Variants in DPYD observed in about 807,000 individuals in gnomAD.
DPYD encodes the protein dihydropyrimidine dehydrogenase [NADP(+)].
DPYD carries 109 observed loss-of-function variants against 116.2 expected under a neutral mutation model. The observed-to-expected ratio is 0.94, with a 90% confidence interval of 0.80 to 1.10. The LOEUF is 1.10. DPYD is among the 50% of genes least tolerant of loss of function. DPYD has a pLI of 0.00. For missense variants in DPYD, 1,302 were observed against 1,254.5 expected (o/e 1.04, Z -0.57); for synonymous variants, 440 against 432.0 (o/e 1.02, Z -0.23).
chr1:97,770,373 T>A (rs1666077701), intron 3 of DPYD, among the ~76,000 whole-genome samples: 1 of 152,196 alleles, frequency 6.6e-6, no homozygotes, highest in Non-Finnish European at 1.5e-5. Context: ...GCCCAATGTT[T>A]TTCAATAAAT....
chr1:97,351,541 G>C (rs1670143888), intron 16 of DPYD, among the ~76,000 whole-genome samples: 1 of 152,066 alleles, frequency 6.6e-6, no homozygotes, highest in Admixed American at 6.6e-5. Flanking sequence ...CAAGGGGAAA[G>C]GTTAAAATTA....
At chr1:97,503,038 T>C (rs1008720916) in intron 13 of DPYD, among the ~76,000 whole-genome samples, 3 of 152,016 alleles carry the variant, frequency 2.0e-5, no homozygotes, top group African/African-American at 7.2e-5. Context: ...AACGTTTCAA[T>C]AATAACTAGT....
chr1:97,464,071 T>C (rs1677168221), intron 13 of DPYD, among the ~76,000 whole-genome samples: 1 of 151,844 alleles, frequency 6.6e-6, no homozygotes, highest in African/African-American at 2.4e-5. Context: ...ACACCCTGTC[T>C]CTACTAAAAA....
chr1:97,602,367 G>A (rs1380147121), intron 8 of DPYD, among the ~76,000 whole-genome samples: 1 of 151,852 alleles, frequency 6.6e-6, no homozygotes, highest in African/African-American at 2.4e-5. Context: ...ACTTATATCA[G>A]ACTTCAATTT....
At chr1:97,698,510 G>C (rs1661421144) in intron 6 of DPYD, among the ~76,000 whole-genome samples, 1 of 151,498 alleles carries the variant, frequency 6.6e-6, no homozygotes, top group South Asian at 2.1e-4. Context: ...GTGATTATTG[G>C]GTATGATTAA....
At chr1:97,406,616 A>G (rs1289840210) in intron 14 of DPYD, among the ~76,000 whole-genome samples, 1 of 149,574 alleles carries the variant, frequency 6.7e-6, no homozygotes. Flanking sequence ...TGAGTTCTCA[A>G]TAGGAACGCT....
At position 97,320,671 on chromosome 1, in the gene DPYD, C is replaced by T. The variant is rs1185045009; in HGVS notation, c.2059-14374G>A. 9.0e-3 allele frequency among the ~76,000 whole-genome samples: 541 copies of T among 59,878 alleles called. 17 individuals carry two copies. The highest frequency in any genetic ancestry group is 0.034 in the African/African-American group (508 of 15,120). 39.3% of individuals were successfully genotyped at this position (59,878 alleles called of 152,430 possible). A position where few individuals can be genotyped will look rare whatever the true frequency, so the allele number is the denominator to read the frequency against. On this transcript the variant is annotated intron_variant, in intron 16 of 22. Coordinates refer to ENST00000370192, the MANE Select transcript of DPYD (RefSeq NM_000110.4). ...TGGCCATACTGCCCAAGGTAATTTACAGATTCAATGCCATCCCCATCAAGC... is the reference window on the plus strand; with the variant it reads ...TGGCCATACTGCCCAAGGTAATTTATAGATTCAATGCCATCCCCATCAAGC...
At chr1:97,483,647 T>TA (rs536002354) in intron 13 of DPYD, among the ~76,000 whole-genome samples, 3 of 151,446 alleles carry the variant, frequency 2.0e-5, no homozygotes, top group African/African-American at 4.9e-5. Context: ...ATTCTGGACC[T>TA]AAAAAAAAAT....
At chr1:97,539,256 A>AT (rs1401642864) in intron 12 of DPYD, among the ~76,000 whole-genome samples, 31 of 147,498 alleles carry the variant, frequency 2.1e-4, no homozygotes, top group African/African-American at 7.5e-4. Context: ...TATGTACTCA[A>AT]ATTTTTTTTA....
At chr1:97,152,581 C>T in intron 20 of DPYD, among the ~76,000 whole-genome samples, 1 of 150,676 alleles carries the variant, frequency 6.6e-6, no homozygotes, top group East Asian at 1.9e-4. Flanking sequence ...CACAGATACC[C>T]ATATTTAATA....
chr1:97,478,777 T>C (rs184781232), intron 13 of DPYD, among the ~76,000 whole-genome samples: 42 of 152,362 alleles, frequency 2.8e-4, no homozygotes, highest in South Asian at 2.1e-4. Flanking sequence ...GGCTGTTTTG[T>C]CTACATCGAA....
chr1:97,758,017 T>C (rs1340390842), intron 3 of DPYD, among the ~76,000 whole-genome samples: 3 of 152,138 alleles, frequency 2.0e-5, no homozygotes, highest in South Asian at 2.1e-4. Context: ...TTTTTGATTA[T>C]CTCATTCATA....
At chr1:97,430,585 T>C (rs919692034) in intron 14 of DPYD, among the ~76,000 whole-genome samples, 7 of 13,522 alleles carry the variant, frequency 5.2e-4, no homozygotes, top group South Asian at 1.9e-3. Context: ...TGAAACTCAG[T>C]CTTGGGAAAA....
intron 19 of DPYD, among the ~76,000 whole-genome samples, chr1:97,201,160 T>C (rs1659175374): frequency 6.6e-6 from 1 of 152,174 alleles, no homozygotes; most frequent in African/African-American, 2.4e-5. Flanking sequence ...AGCGAAGTGA[T>C]TTCACATTTA....
At chr1:97,113,895 GA>G (rs958279610) in intron 20 of DPYD, among the ~76,000 whole-genome samples, 2 of 151,892 alleles carry the variant, frequency 1.3e-5, no homozygotes, top group African/African-American at 4.8e-5. Context: ...TATTAAAAAT[GA>G]AAAAATGCAT....
chr1:97,253,619 T>C (rs550433259), intron 18 of DPYD, among the ~76,000 whole-genome samples: 46 of 152,248 alleles, frequency 3.0e-4, no homozygotes, highest in African/African-American at 1.0e-3. Context: ...TATTAGCATT[T>C]AAATTCCGGT....
intron 1 of DPYD, among the ~76,000 whole-genome samples, chr1:97,903,350 C>A (rs1344867548): frequency 6.6e-6 from 1 of 151,634 alleles, no homozygotes; most frequent in Non-Finnish European, 1.5e-5. Flanking sequence ...AATGATAACC[C>A]CCTAAAATGC....
chr1:97,544,930 T>G (rs1650713071), intron 12 of DPYD, among the ~76,000 whole-genome samples: 1 of 152,186 alleles, frequency 6.6e-6, no homozygotes, highest in African/African-American at 2.4e-5. Context: ...TCATCTGGTC[T>G]AACACAAGAA....
chr1:97,498,548 A>G (rs1007890355), intron 13 of DPYD, among the ~76,000 whole-genome samples: 1 of 151,556 alleles, frequency 6.6e-6, no homozygotes, highest in Non-Finnish European at 1.5e-5. Flanking sequence ...AAAGTATTAC[A>G]TGAAGTTCTC....
Sources: gnomAD v4.1 joint callset for allele counts (sites outside exome capture counted in the v4.1 genomes callset) on GRCh38, gnomAD v4.1.1 for gene constraint, MANE v1.5 for transcripts, NCBI Gene and HGNC (gene_info 2026-07-23, HGNC 2026-07-21) for gene names.